Variants in TEX15 observed in about 807,000 individuals in gnomAD.
TEX15 encodes the protein testis expressed 15, meiosis and synapsis associated.
TEX15 carries 171 observed loss-of-function variants against 237.3 expected under a neutral mutation model. That is an observed-to-expected ratio of 0.72 (90% CI 0.64 to 0.82). The LOEUF (loss-of-function observed/expected upper bound fraction) is 0.82, where lower values mean the gene tolerates loss of function less well. Ranked by LOEUF, TEX15 falls within the 40% of genes least tolerant of loss-of-function variation. The pLI is 0.00. For synonymous variants in TEX15, 1,338 were observed against 1,269.8 expected (o/e 1.05, Z -1.14); for missense variants, 3,750 against 3,646.5 (o/e 1.03, Z -0.73).
At chr8:30,875,501 T>C (rs1328681024) in intron 3 of TEX15, among the ~76,000 whole-genome samples, 1 of 152,176 alleles carries the variant, frequency 6.6e-6, no homozygotes, top group African/African-American at 2.4e-5. Flanking sequence ...ATTGGGTTAT[T>C]TTGATTTGCA....
intron 4 of TEX15, among the ~76,000 whole-genome samples, chr8:30,872,737 G>A (rs1808317643): frequency 6.6e-6 from 1 of 151,808 alleles, no homozygotes; most frequent in Admixed American, 6.6e-5. Context: ...TTTAAATAAA[G>A]AGTTCTAAAA....
chr8:30,867,606 C>T (rs323368), intron 4 of TEX15, 104 bp from the exon 5 acceptor site: 159,649 of 673,274 alleles, frequency 0.24, 28,364 homozygotes, highest in African/African-American at 0.74. Flanking sequence ...AGAGAAGTAG[C>T]GATATTCAGA....
chr8:30,884,239 G>A (rs932964946), intron 3 of TEX15, among the ~76,000 whole-genome samples: 5 of 152,148 alleles, frequency 3.3e-5, no homozygotes, highest in Admixed American at 6.5e-5. Flanking sequence ...TCTCATCGTG[G>A]TTTTGATTTG....
chr8:30,853,790 A>G (rs1360497920), intron 7 of TEX15, among the ~76,000 whole-genome samples: 2 of 152,190 alleles, frequency 1.3e-5, no homozygotes, highest in African/African-American at 4.8e-5. Flanking sequence ...CAATAAACTT[A>G]AAGGAAAAAG....
chr8:30,846,424 T>C lies in TEX15; in HGVS notation c.3743A>G (p.Asp1248Gly). The C allele has an allele frequency of 6.2e-7, 1 of 1,613,474 alleles. No homozygotes were observed. The highest frequency in any genetic ancestry group is 8.5e-7 in the Non-Finnish European group (1 of 1,179,736). ...SLSFDLSRNT[D>G]VNHTSENQNS... ...CTGATTTTCAGACGTATGATTCACA[T>C]CTGTATTACGACTCAAGTCAAAAGA... The change falls in exon 8 of 11, where the codon GAT (aspartate) becomes GGT (glycine). Residue 1248 changes from aspartate to glycine, a missense_variant. Transcript: ENST00000643185.
At chr8:30,878,566 T>A (rs893182891) in intron 3 of TEX15, among the ~76,000 whole-genome samples, 9 of 152,088 alleles carry the variant, frequency 5.9e-5, no homozygotes, top group African/African-American at 1.7e-4. Context: ...CTATTTTTTT[T>A]AGTCAAGATG....
chr8:30,837,436 G>A lies in TEX15; in HGVS notation c.8848C>T (p.Gln2950Ter). 6.2e-7 allele frequency: 1 copy of A among 1,614,096 alleles called. No individual in the cohort carries two copies. Among genetic ancestry groups the A allele is most frequent in the Non-Finnish European group, 8.5e-7 (1 of 1,180,002 alleles). Residue 2950 changes from glutamine to a stop codon, truncating the protein, a stop_gained, in exon 10 of 11, where the codon CAG (glutamine) becomes TAG (stop). Coordinates refer to ENST00000643185, the MANE Select transcript of TEX15 (RefSeq NM_001350162.2). LOFTEE classifies it high-confidence loss of function. Reference sequence around the variant, plus strand: ...TCTGTAGGCTGTAGTTTGTTTATCTGCAGAGTAGGAATTTTGTTCTGGATA... The same window carrying A: ...TCTGTAGGCTGTAGTTTGTTTATCTACAGAGTAGGAATTTTGTTCTGGATA... The part of the protein sequence containing the change: ...ICIQNKIPTL[Q>*]INKLQPTETE...
intron 3 of TEX15, among the ~76,000 whole-genome samples, chr8:30,881,682 C>T (rs538490172): frequency 2.8e-5 from 4 of 140,782 alleles, no homozygotes; most frequent in African/African-American, 1.1e-4. Context: ...AGTGCAATGG[C>T]GCGATCTTGG....
rs1193121663 is a variant in TEX15, at chr8:30,848,483, G to C, written c.1684C>G (p.Gln562Glu). 1.9e-6 allele frequency: 3 copies of C among 1,613,996 alleles called. No individual in the cohort carries two copies. The highest frequency in any genetic ancestry group is 2.5e-6 in the Non-Finnish European group (3 of 1,180,008). Residue 562 changes from glutamine to glutamate, a missense_variant, in exon 8 of 11, where the codon CAG becomes GAG. Coordinates refer to ENST00000643185, the MANE Select transcript of TEX15 (RefSeq NM_001350162.2). Reference protein sequence around the residue: ...ENQNHSEEKAQRAQQESGNAY... With the variant: ...ENQNHSEEKAERAQQESGNAY... ...TTACCGGACTCCTGTTGGGCTCTCT[G>C]AGCCTTCTCCTCACTGTGGTTTTGG...
At position 30,846,858 on chromosome 8, in the gene TEX15, T is replaced by C; in HGVS notation, c.3309A>G (p.Glu1103=). ...YKALKSRISW[E]GLLALDNGEM... is the part of the protein sequence containing the mutation. Reference sequence around the variant, plus strand: ...CCCCGTTATCAAGTGCTAACAGACCTTCCCAACTGATACGAGACTTCAGAG... The same window carrying C: ...CCCCGTTATCAAGTGCTAACAGACCCTCCCAACTGATACGAGACTTCAGAG... Residue 1103 remains glutamate (E), a synonymous_variant, in exon 8 of 11, where the codon GAA becomes GAG. Coordinates refer to ENST00000643185, the MANE Select transcript of TEX15 (RefSeq NM_001350162.2). 6.2e-7 allele frequency: 1 copy of C among 1,613,916 alleles called. No homozygotes were observed. Among genetic ancestry groups the C allele is most frequent in the African/African-American group, 1.3e-5 (1 of 75,042 alleles).
intron 2 of TEX15, among the ~76,000 whole-genome samples, chr8:30,891,636 C>T (rs546141855): frequency 2.6e-4 from 39 of 152,140 alleles, no homozygotes; most frequent in African/African-American, 8.7e-4. Context: ...TGTGCCACCA[C>T]GCCTGGCTAA....
chr8:30,887,015 G>T, intron 3 of TEX15, 152 bp downstream of exon 3: 1 of 591,920 alleles, frequency 1.7e-6, no homozygotes, highest in Non-Finnish European at 2.7e-6. Flanking sequence ...ATTCTATTTT[G>T]AGTGGAAACA....
chr8:30,905,211 C>T (rs530002282), intron 1 of TEX15, among the ~76,000 whole-genome samples: 5 of 145,610 alleles, frequency 3.4e-5, no homozygotes, highest in African/African-American at 1.3e-4. Flanking sequence ...AGTACTGCAA[C>T]AAACCTGGTG....
intron 3 of TEX15, among the ~76,000 whole-genome samples, chr8:30,885,144 T>C (rs1291297023): frequency 1.3e-5 from 2 of 152,106 alleles, no homozygotes; most frequent in Non-Finnish European, 2.9e-5. Context: ...TTTGGGTTAC[T>C]TATATCTAGT....
At chr8:30,868,047 C>G (rs1200356977) in intron 4 of TEX15, among the ~76,000 whole-genome samples, 1 of 152,012 alleles carries the variant, frequency 6.6e-6, no homozygotes, top group African/African-American at 2.4e-5. Flanking sequence ...CTCTACACAT[C>G]TATAGACACA....
chr8:30,850,272 T>C (rs1248892891), intron 7 of TEX15, among the ~76,000 whole-genome samples: 1 of 152,122 alleles, frequency 6.6e-6, no homozygotes, highest in Non-Finnish European at 1.5e-5. Flanking sequence ...AAATAATTTA[T>C]AAAAATTATT....
chr8:30,862,454 C>G (rs1808070816), intron 5 of TEX15, among the ~76,000 whole-genome samples: 1 of 152,082 alleles, frequency 6.6e-6, no homozygotes, highest in African/African-American at 2.4e-5. Flanking sequence ...TACAATTATA[C>G]CTGCATGTCT....
chr8:30,880,966 C>G (rs1010442237), intron 3 of TEX15, among the ~76,000 whole-genome samples: 1 of 152,024 alleles, frequency 6.6e-6, no homozygotes, highest in Non-Finnish European at 1.5e-5. Context: ...TGCAGACCAT[C>G]ATGTTCTCTT....
chr8:30,895,260 T>C, intron 2 of TEX15, among the ~76,000 whole-genome samples: 1 of 127,146 alleles, frequency 7.9e-6, no homozygotes, highest in East Asian at 2.3e-4. Context: ...ATTGCACCAC[T>C]GCACTCCAGC....
Sources: gnomAD v4.1 joint callset for allele counts (sites outside exome capture counted in the v4.1 genomes callset) on GRCh38, gnomAD v4.1.1 for gene constraint, MANE v1.5 for transcripts, NCBI Gene and HGNC (gene_info 2026-07-23, HGNC 2026-07-21) for gene names.